Variants in SUMF1 observed in about 807,000 individuals in gnomAD.
The protein encoded by SUMF1 is sulfatase modifying factor 1, also known as formylglycine-generating enzyme.
SUMF1 carries 48 observed loss-of-function variants against 47.6 expected under a neutral mutation model. The ratio of observed to expected loss-of-function variants is 1.01; its 90% CI spans 0.80 to 1.28. SUMF1 has a LOEUF of 1.28. SUMF1 is among the 50% of genes most tolerant of loss of function. The probability of loss-of-function intolerance (pLI) is 0.00; values close to 1 mark genes in which losing one functional copy is unlikely to be tolerated. For missense variants in SUMF1, 571 were observed against 485.4 expected (o/e 1.18, Z -1.66); for synonymous variants, 230 against 192.1 (o/e 1.20, Z -1.63).
intron 8 of SUMF1, chr3:4,303,894 A>G (rs993992185): frequency 1.3e-5 from 16 of 1,248,950 alleles, no homozygotes; most frequent in Middle Eastern, 4.9e-4. Context: ...GGGCCTATTA[A>G]TGGATCGCAG....
chr3:4,427,978 A>C (rs1168605534), intron 3 of SUMF1, among the ~76,000 whole-genome samples: 1 of 152,198 alleles, frequency 6.6e-6, no homozygotes, highest in African/African-American at 2.4e-5. Flanking sequence ...AAATGAGAGA[A>C]ATATTTCTTA....
chr3:4,072,239 C>A (rs914446421), intron 8 of SUMF1, among the ~76,000 whole-genome samples: 21 of 152,078 alleles, frequency 1.4e-4, no homozygotes. Flanking sequence ...ATACAAGGGG[C>A]CTGACTGTTA....
chr3:4,168,958 G>C (rs368461890), intron 8 of SUMF1, among the ~76,000 whole-genome samples: 2 of 152,132 alleles, frequency 1.3e-5, no homozygotes, highest in African/African-American at 4.8e-5. Context: ...TTCCAGCAAC[G>C]TATTGGTTAA....
chr3:4,457,249 C>A (rs1385936525), intron 1 of SUMF1, among the ~76,000 whole-genome samples: 1 of 151,634 alleles, frequency 6.6e-6, no homozygotes, highest in Non-Finnish European at 1.5e-5. Flanking sequence ...GCCAGCATTT[C>A]TTTATACTAA....
At chr3:4,138,684 T>G (rs1694002010) in intron 8 of SUMF1, among the ~76,000 whole-genome samples, 1 of 152,068 alleles carries the variant, frequency 6.6e-6, no homozygotes, top group Non-Finnish European at 1.5e-5. Flanking sequence ...GACTATAAGT[T>G]TCCTATTTGG....
intron 7 of SUMF1, among the ~76,000 whole-genome samples, chr3:4,386,721 T>C (rs987850541): frequency 3.9e-5 from 6 of 152,088 alleles, no homozygotes; most frequent in African/African-American, 4.8e-5. Context: ...CCATTAAGTA[T>C]AATGGTAGGT....
intron 8 of SUMF1, among the ~76,000 whole-genome samples, chr3:4,273,381 T>A (rs1178319792): frequency 6.6e-6 from 1 of 152,018 alleles, no homozygotes; most frequent in Non-Finnish European, 1.5e-5. Flanking sequence ...ACAACATGAA[T>A]GAACTTCAAA....
chr3:4,135,948 G>A (rs1330495090), intron 8 of SUMF1, among the ~76,000 whole-genome samples: 2 of 151,948 alleles, frequency 1.3e-5, no homozygotes, highest in Non-Finnish European at 2.9e-5. Context: ...AAGGAGAACT[G>A]CAAACCACTG....
chr3:4,223,984 C>T (rs554090205), intron 8 of SUMF1, among the ~76,000 whole-genome samples: 2 of 152,058 alleles, frequency 1.3e-5, no homozygotes, highest in East Asian at 3.9e-4. Context: ...CAATAGACAA[C>T]AGCATTAAGG....
At chr3:4,153,218 T>C (rs1469786430) in intron 8 of SUMF1, among the ~76,000 whole-genome samples, 1 of 151,448 alleles carries the variant, frequency 6.6e-6, no homozygotes. Flanking sequence ...GATTTTCTTT[T>C]TTTTCTTTTT....
At chr3:4,376,236 A>G in intron 8 of SUMF1, 94 bp downstream of exon 8, 1 of 1,448,624 alleles carries the variant, frequency 6.9e-7, no homozygotes, top group Non-Finnish European at 9.7e-7. Context: ...GCATTTGCAG[A>G]AGTGAATGAG....
intron 8 of SUMF1, among the ~76,000 whole-genome samples, chr3:4,212,809 T>C (rs746155165): frequency 1.3e-5 from 2 of 151,956 alleles, no homozygotes; most frequent in Non-Finnish European, 2.9e-5. Context: ...AGAAAGGATA[T>C]CGGTTATTCA....
chr3:4,337,468 C>T (rs1022249861), intron 8 of SUMF1, among the ~76,000 whole-genome samples: 1 of 152,088 alleles, frequency 6.6e-6, no homozygotes, highest in Non-Finnish European at 1.5e-5. Context: ...TTAGTCCTCT[C>T]GTCCAGACAT....
chr3:4,143,502 T>G (rs1423161548), intron 8 of SUMF1, among the ~76,000 whole-genome samples: 1 of 152,146 alleles, frequency 6.6e-6, no homozygotes, highest in African/African-American at 2.4e-5. Flanking sequence ...CTCTTGATAT[T>G]CCAATGGGCC....
chr3:4,254,764 C>T (rs1183589249), intron 8 of SUMF1, among the ~76,000 whole-genome samples: 95 of 149,094 alleles, frequency 6.4e-4, no homozygotes, highest in African/African-American at 1.6e-3. Flanking sequence ...ATACAGAGAA[C>T]GCCACAAAGA....
At chr3:4,453,096 T>C (rs925169257) in intron 1 of SUMF1, 47 bp from the exon 2 acceptor site, 1 of 1,573,252 alleles carries the variant, frequency 6.4e-7, no homozygotes, top group Non-Finnish European at 8.6e-7. Context: ...ACAGCCAAGG[T>C]GTACCTGTGT....
intron 8 of SUMF1, among the ~76,000 whole-genome samples, chr3:4,222,847 G>C (rs1228237916): frequency 6.6e-6 from 1 of 152,098 alleles, no homozygotes; most frequent in Non-Finnish European, 1.5e-5. Context: ...GCAAGCAAGA[G>C]GCTCAAGTTT....
chr3:4,438,716 TAAC>T (rs2125093562), intron 3 of SUMF1, among the ~76,000 whole-genome samples: 1 of 152,234 alleles, frequency 6.6e-6, no homozygotes, highest in Non-Finnish European at 1.5e-5. Flanking sequence ...ATGGAGATTT[TAAC>T]AACACTCTCA....
chr3:4,108,154 T>A (rs965458739), intron 8 of SUMF1, among the ~76,000 whole-genome samples: 5 of 152,130 alleles, frequency 3.3e-5, no homozygotes, highest in African/African-American at 1.2e-4. Context: ...TCAAAGAACA[T>A]CTTTATTTCT....
Sources: allele counts gnomAD v4.1 joint callset (sites outside exome capture counted in the v4.1 genomes callset), GRCh38; gene constraint gnomAD v4.1.1; transcripts MANE v1.5; gene names NCBI Gene and HGNC (gene_info 2026-07-23, HGNC 2026-07-21).